Variants in DAGLB observed in about 807,000 individuals in gnomAD.
DAGLB encodes diacylglycerol lipase-beta.
A neutral mutation model predicts 72.1 loss-of-function variants in DAGLB; 66 were observed. The ratio of observed to expected loss-of-function variants is 0.92; its 90% CI spans 0.75 to 1.12. DAGLB has a LOEUF of 1.12. Ranked by LOEUF, DAGLB falls within the 50% of genes most tolerant of loss-of-function variation. DAGLB has a pLI of 0.00. For synonymous variants in DAGLB, 414 were observed against 359.5 expected (o/e 1.15, Z -1.71); for missense variants, 1,065 against 884.9 (o/e 1.20, Z -2.58).
At chr7:6,417,043 G>C (rs1402317382) in intron 9 of DAGLB, 122 bp from the exon 10 acceptor site, 3 of 1,108,586 alleles carry the variant, frequency 2.7e-6, no homozygotes, top group Non-Finnish European at 4.0e-6. Flanking sequence ...TGAGACTGCA[G>C]AATCAGCAGC....
intron 2 of DAGLB, 200 bp downstream of exon 2, chr7:6,445,751 CTG>C: frequency 1.9e-6 from 1 of 526,356 alleles, no homozygotes; most frequent in East Asian, 3.6e-5. Flanking sequence ...GTGTGAGCCA[CTG>C]TGTCCCGCCT....
chr7:6,436,621 A>G, intron 2 of DAGLB, 88 bp from the exon 3 acceptor site: 1 of 1,558,382 alleles, frequency 6.4e-7, no homozygotes, highest in South Asian at 1.1e-5. Context: ...TTTGCAGAGC[A>G]TACATTTGTA....
intron 6 of DAGLB, 79 bp from the exon 7 acceptor site, chr7:6,426,193 C>T: frequency 1.3e-6 from 2 of 1,589,942 alleles, no homozygotes; most frequent in Non-Finnish European, 1.7e-6. Flanking sequence ...CCACATGTTC[C>T]CAGAGACGCG....
intron 8 of DAGLB, 48 bp from the exon 9 acceptor site, chr7:6,421,852 G>A: frequency 6.3e-7 from 1 of 1,594,904 alleles, no homozygotes; most frequent in Non-Finnish European, 8.6e-7. Context: ...TGATGGGCAG[G>A]GTGGGAGAAT....
chr7:6,429,659 T>C (rs1261853207), intron 6 of DAGLB, among the ~76,000 whole-genome samples: 2 of 151,826 alleles, frequency 1.3e-5, no homozygotes, highest in East Asian at 3.9e-4. Flanking sequence ...TCTCAGTACT[T>C]TGGGAGGGTG....
chr7:6,422,839 G>A (rs1784176041), intron 8 of DAGLB: 1 of 152,202 alleles, frequency 6.6e-6, no homozygotes, highest in South Asian at 2.1e-4. Flanking sequence ...AGTATACCCA[G>A]CTACAAATCT....
chr7:6,417,095 G>C (rs1783943151), intron 9 of DAGLB, 174 bp from the exon 10 acceptor site: 2 of 694,092 alleles, frequency 2.9e-6, no homozygotes, highest in African/African-American at 3.6e-5. Flanking sequence ...ACCTTGCACA[G>C]CGCCTGACGT....
chr7:6,437,613 T>A (rs1447744873), intron 2 of DAGLB, among the ~76,000 whole-genome samples: 2 of 152,046 alleles, frequency 1.3e-5, no homozygotes, highest in African/African-American at 4.8e-5. Flanking sequence ...CATAGTCCCA[T>A]AGACAGTTGT....
intron 13 of DAGLB, among the ~76,000 whole-genome samples, chr7:6,410,968 T>A (rs962830668): frequency 6.9e-6 from 1 of 144,522 alleles, no homozygotes; most frequent in African/African-American, 2.6e-5. Flanking sequence ...CTCTGCAAGC[T>A]CCGCCTCCCG....
chr7:6,440,633 A>G (rs1784798243), intron 2 of DAGLB, among the ~76,000 whole-genome samples: 1 of 152,196 alleles, frequency 6.6e-6, no homozygotes, highest in Non-Finnish European at 1.5e-5. Flanking sequence ...GCAGTAGCTC[A>G]TGCCTGTAAT....
chr7:6,410,955 GCT>G (rs1158418010), intron 13 of DAGLB, among the ~76,000 whole-genome samples: 1 of 146,490 alleles, frequency 6.8e-6, no homozygotes, highest in East Asian at 2.0e-4. Context: ...CACAATCTTG[GCT>G]CTCTGCAAGC....
At chr7:6,447,343 G>A (rs1785039995) in intron 1 of DAGLB, among the ~76,000 whole-genome samples, 1 of 152,138 alleles carries the variant, frequency 6.6e-6, no homozygotes, top group African/African-American at 2.4e-5. Flanking sequence ...CAAGTGCCCC[G>A]TACAAAGGGA....
rs137937303 is a variant in DAGLB at position 6,426,664 on chromosome 7, A to T, written c.930-550T>A. 9.5e-4 allele frequency among the ~76,000 whole-genome samples: 145 copies of T among 152,346 alleles called. No homozygotes were observed. In the East Asian group the frequency reaches 0.025, roughly 26 times the overall value. On this transcript the variant is annotated intron_variant, in intron 6 of 14. Transcript: ENST00000297056. Reference sequence around the variant, plus strand: ...ATGTTAATGATTTCTATATTCAAAAAATTCATCAACAAGGATGGGCAAGTC... The same window carrying T: ...ATGTTAATGATTTCTATATTCAAAATATTCATCAACAAGGATGGGCAAGTC...
At chr7:6,412,773 C>T (rs1172057444) in intron 13 of DAGLB, 38 bp downstream of exon 13, 18 of 1,556,984 alleles carry the variant, frequency 1.2e-5, no homozygotes, top group East Asian at 2.4e-5. Flanking sequence ...GGACAGGCCC[C>T]GTGTCCTGCT....
In DAGLB at chr7:6,430,543, T is replaced by A; in HGVS notation, c.866A>T (p.Tyr289Phe). Reference protein sequence around the residue: ...HHYMQFAAAAYGWPLYIYRNP... With the variant: ...HHYMQFAAAAFGWPLYIYRNP... ...TCTGTAGATGTAGAGGGGCCACCCA[T>A]AGGCCGCTGCTGCAAACTGCATGTA... is the stretch of plus-strand genomic sequence containing the variant. The change falls in exon 6 of 15, where the codon TAT becomes TTT. Residue 289 changes from tyrosine (Y) to phenylalanine (F), a missense_variant. Tyr to Phe is a conservative substitution (Grantham distance 22, BLOSUM62 3). Coordinates refer to ENST00000297056, the MANE Select transcript of DAGLB (RefSeq NM_139179.4). 1 of 1,603,516 alleles carries A rather than the reference T, an allele frequency of 6.2e-7. No homozygotes were observed. Among genetic ancestry groups the A allele is most frequent in the Non-Finnish European group, 8.5e-7 (1 of 1,172,974 alleles).
Position 6,426,037 on chromosome 7 carries a change from G to A in DAGLB, c.1007C>T (p.Thr336Ile). 3 of 1,614,144 alleles carry A rather than the reference G, an allele frequency of 1.9e-6. No individual in the cohort carries two copies. Among genetic ancestry groups the A allele is most frequent in the East Asian group, 4.5e-5 (2 of 44,878 alleles). The change falls in exon 7 of 15, where the codon ACC becomes ATC. Residue 336 changes from threonine (T) to isoleucine (I), a missense_variant. Transcript: ENST00000297056. ...GAAGTCCCTGTACTGCAGCCCTGTG[G>A]TGTGCAGGATGGAGCCGAAGTGACA... ...LNCHFGSILHTTGLQYRDFIH... is the reference protein window; with the variant it reads ...LNCHFGSILHITGLQYRDFIH...
In DAGLB at chr7:6,410,024, C is replaced by T; in HGVS notation, c.1832G>A (p.Cys611Tyr). 6.2e-7 allele frequency: 1 copy of T among 1,613,228 alleles called. No homozygotes were observed. The highest frequency in any genetic ancestry group is 2.2e-5 in the East Asian group (1 of 44,874). Residue 611 changes from cysteine (C) to tyrosine (Y), a missense_variant, in exon 15 of 15, where the codon TGC becomes TAC. Transcript: ENST00000297056. ...CTTGGCGCTATAGTGAGCAGCAGAGCAGCAGCCAAACCTGAAGCAGAAAAG... is the reference window on the plus strand; with the variant it reads ...CTTGGCGCTATAGTGAGCAGCAGAGTAGCAGCCAAACCTGAAGCAGAAAAG... ...EEGASGRFGC[C>Y]SAAHYSAKWS...
At chr7:6,441,022 G>A (rs769257550) in intron 2 of DAGLB, among the ~76,000 whole-genome samples, 3 of 151,682 alleles carry the variant, frequency 2.0e-5, no homozygotes, top group African/African-American at 4.8e-5. Flanking sequence ...TTACAGGCAT[G>A]AGCCACCGCT....
In DAGLB at chr7:6,424,778, C is replaced by T. The variant is rs772326369; in HGVS notation, c.1114G>A (p.Ala372Thr). 4.3e-6 allele frequency: 7 copies of T among 1,613,670 alleles called. No homozygotes were observed. The highest frequency in any genetic ancestry group is 2.2e-5 in the South Asian group (2 of 91,082). ...TGCAGAGACATGGTCCCCCTCACAG[C>T]GACCACAACAGACTCTTTCCTGTGA... ...LDHRKESVVV[A>T]VRGTMSLQDV... Residue 372 changes from alanine to threonine, a missense_variant, in exon 8 of 15, where the codon GCT (alanine) becomes ACT (threonine). Ala to Thr is a moderately conservative substitution (Grantham distance 58, BLOSUM62 0). Coordinates refer to ENST00000297056, the MANE Select transcript of DAGLB (RefSeq NM_139179.4).
Sources: allele counts gnomAD v4.1 joint callset (sites outside exome capture counted in the v4.1 genomes callset), GRCh38; gene constraint gnomAD v4.1.1; transcripts MANE v1.5; gene names NCBI Gene and HGNC (gene_info 2026-07-23, HGNC 2026-07-21).